The following EXT2 variants were observed in gnomAD, a reference collection of about 807,000 sequenced individuals.
EXT2 encodes the protein exostosin-2.
Under a neutral mutation model 81.6 loss-of-function variants are expected in EXT2, and 53 were observed. That is an observed-to-expected ratio of 0.65 (90% CI 0.52 to 0.82). EXT2 has a LOEUF of 0.82. Ranked by LOEUF, EXT2 falls within the 40% of genes least tolerant of loss-of-function variation. The pLI is 0.00. For missense variants in EXT2, 774 were observed against 910.2 expected (o/e 0.85, Z 1.93); for synonymous variants, 320 against 340.0 (o/e 0.94, Z 0.65).
chr11:44,155,505 T>C (rs888701418), intron 7 of EXT2, among the ~76,000 whole-genome samples: 1 of 150,468 alleles, frequency 6.6e-6, no homozygotes, highest in Admixed American at 6.6e-5. Flanking sequence ...ATTTTTTTTA[T>C]AGTTTAAGGT....
intron 13 of EXT2, among the ~76,000 whole-genome samples, chr11:44,241,546 T>C (rs1956037464): frequency 6.6e-6 from 1 of 152,270 alleles, no homozygotes. Context: ...GCACAGGGCC[T>C]GGGAATGTTA....
At chr11:44,187,560 GT>G (rs2135162848) in intron 8 of EXT2, among the ~76,000 whole-genome samples, 1 of 152,316 alleles carries the variant, frequency 6.6e-6, no homozygotes, top group Non-Finnish European at 1.5e-5. Flanking sequence ...CATTTTGTAA[GT>G]GGTGTGGAGC....
rs11827968 is a variant in EXT2, at chr11:44,186,673, T to G, written c.1306-11156T>G. On this transcript the variant is annotated intron_variant, in intron 8 of 13. Coordinates refer to ENST00000533608, the MANE Select transcript of EXT2 (RefSeq NM_207122.2). Reference sequence around the variant, plus strand: ...GAGGCATTCAAATGGGTTTAACCTGTGAGCCTTCCAGTAAACTAACTGTAG... The same window carrying G: ...GAGGCATTCAAATGGGTTTAACCTGGGAGCCTTCCAGTAAACTAACTGTAG... Among the ~76,000 whole-genome samples the G allele has an allele frequency of 8.6e-3, 1,309 of 152,342 alleles. 23 individuals carry two copies. The highest frequency in any genetic ancestry group is 0.029 in the African/African-American group (1,219 of 41,570).
In EXT2 at chr11:44,250,973, T is replaced by C. The variant is rs979312080; in HGVS notation, c.*6686T>C. ...GCAGCACCTCCTATAGGATTTCCAA[T>C]AGTCTTTCTCTAGTAGATCATTGGG... On this transcript the variant is annotated 3_prime_UTR_variant, in exon 14 of 14. Coordinates refer to ENST00000533608, the MANE Select transcript of EXT2 (RefSeq NM_207122.2). 3.3e-5 allele frequency among the ~76,000 whole-genome samples: 5 copies of C among 152,220 alleles called. No homozygotes were observed. Among genetic ancestry groups the C allele is most frequent in the African/African-American group, 1.2e-4 (5 of 41,442 alleles).
intron 4 of EXT2, among the ~76,000 whole-genome samples, chr11:44,119,169 T>TATATATATATATATATATATATACAC (rs1192115471): frequency 6.3e-5 from 4 of 63,154 alleles, no homozygotes; most frequent in East Asian, 5.7e-4. Context: ...TATATATATA[T>TATATATATATATATATATATATACAC]ACACATACAC....
intron 8 of EXT2, among the ~76,000 whole-genome samples, chr11:44,193,506 T>A (rs1955418515): frequency 6.6e-6 from 1 of 152,224 alleles, no homozygotes; most frequent in Non-Finnish European, 1.5e-5. Context: ...ACAAGAGAGA[T>A]TAAGTACTTT....
intron 4 of EXT2, among the ~76,000 whole-genome samples, chr11:44,118,456 G>A (rs537266818): frequency 3.4e-4 from 51 of 152,176 alleles, no homozygotes; most frequent in African/African-American, 1.2e-3. Context: ...TGAACATAAT[G>A]TATACCCACA....
chr11:44,164,942 G>C (rs1003400517), intron 7 of EXT2, among the ~76,000 whole-genome samples: 1 of 150,556 alleles, frequency 6.6e-6, no homozygotes, highest in African/African-American at 2.4e-5. Flanking sequence ...GCAGTGGCGG[G>C]ATCTCGGCTC....
At chr11:44,158,873 G>GT (rs1954891604) in intron 7 of EXT2, among the ~76,000 whole-genome samples, 1 of 151,660 alleles carries the variant, frequency 6.6e-6, no homozygotes, top group Admixed American at 6.6e-5. Flanking sequence ...TAAGTGTGTG[G>GT]TTTTTTTCTC....
intron 7 of EXT2, among the ~76,000 whole-genome samples, chr11:44,147,789 T>TTTTC: frequency 6.6e-6 from 1 of 151,214 alleles, no homozygotes; most frequent in Non-Finnish European, 1.5e-5. Context: ...TTTTTTTTTT[T>TTTTC]TGTAGCAAAT....
At chr11:44,241,560 T>C (rs1358892308) in intron 13 of EXT2, among the ~76,000 whole-genome samples, 3 of 152,234 alleles carry the variant, frequency 2.0e-5, no homozygotes, top group Non-Finnish European at 4.4e-5. Flanking sequence ...AATGTTAGTT[T>C]CCTTCCCGGT....
At position 44,129,247 on chromosome 11, in the gene EXT2, G is replaced by A. The variant is rs545144616; in HGVS notation, c.1080-798G>A. On this transcript the variant is annotated intron_variant, in intron 6 of 13. Transcript: ENST00000533608. ...ACACTTTAGATAGAATGATCCTGTT[G>A]GAACATGGTTAGGTTATATCATGCT... is the stretch of plus-strand genomic sequence containing the variant. Among the ~76,000 whole-genome samples the A allele has an allele frequency of 2.1e-4, 32 of 152,236 alleles. No homozygotes were observed. In the South Asian group the frequency reaches 6.0e-3, roughly 29 times the overall value.
chr11:44,135,151 G>A (rs755347520), intron 7 of EXT2, among the ~76,000 whole-genome samples: 1 of 152,216 alleles, frequency 6.6e-6, no homozygotes, highest in Non-Finnish European at 1.5e-5. Context: ...GAGTAGAAGA[G>A]GCTACAGAAC....
intron 1 of EXT2, chr11:44,103,767 T>C (rs1349353721): frequency 8.8e-6 from 3 of 342,522 alleles, no homozygotes; most frequent in Non-Finnish European, 1.1e-5. Context: ...TTAAAATAAT[T>C]TTTCCATGTT....
intron 8 of EXT2, among the ~76,000 whole-genome samples, chr11:44,185,078 G>C (rs1955292013): frequency 2.0e-5 from 3 of 152,176 alleles, no homozygotes. Context: ...ACTAGTGAGA[G>C]ACTTTTTCTG....
At chr11:44,119,151 T>C (rs189119487) in intron 4 of EXT2, among the ~76,000 whole-genome samples, 31,280 of 91,632 alleles carry the variant, frequency 0.34, 7,344 homozygotes, top group Non-Finnish European at 0.41. Flanking sequence ...TATATATATA[T>C]ATATATATAT....
intron 10 of EXT2, among the ~76,000 whole-genome samples, chr11:44,227,273 A>C (rs1294673121): frequency 6.6e-6 from 1 of 152,188 alleles, no homozygotes; most frequent in Non-Finnish European, 1.5e-5. Context: ...AGGACCATTT[A>C]TTGGGTACTT....
intron 10 of EXT2, among the ~76,000 whole-genome samples, chr11:44,228,823 G>C (rs1157574581): frequency 6.6e-6 from 1 of 152,124 alleles, no homozygotes; most frequent in Non-Finnish European, 1.5e-5. Flanking sequence ...TAACAGCATT[G>C]GACTTGACAA....
chr11:44,231,182 G>T (rs2135256712), intron 10 of EXT2, among the ~76,000 whole-genome samples: 1 of 152,156 alleles, frequency 6.6e-6, no homozygotes, highest in African/African-American at 2.4e-5. Flanking sequence ...CTTGGTGATA[G>T]ATCGTGGTGG....
Sources: allele counts gnomAD v4.1 joint callset (sites outside exome capture counted in the v4.1 genomes callset), GRCh38; gene constraint gnomAD v4.1.1; transcripts MANE v1.5; gene names NCBI Gene and HGNC (gene_info 2026-07-23, HGNC 2026-07-21).